ERVV-2: variants seen among roughly 807,000 people sequenced by gnomAD.
ERVV-2 encodes endogenous retrovirus group V member 2, envelope.
For missense variants in ERVV-2, 291 were observed against 495.1 expected (o/e 0.59, Z 3.91); for synonymous variants, 105 against 184.6 (o/e 0.57, Z 3.49).
rs1254643938 is a variant in ERVV-2 at position 53,051,338 on chromosome 19, G to A, written c.*479G>A. On this transcript the variant is annotated 3_prime_UTR_variant, in exon 2 of 2. Coordinates refer to ENST00000601417, the MANE Select transcript of ERVV-2 (RefSeq NM_001191055.2). ...ATTTTGTATTTTTAGTAGAGATGGG[G>A]TTTCACCATGTTGGTCAGGCTAGTC... Among the ~76,000 whole-genome samples the A allele has an allele frequency of 6.6e-6, 1 of 151,772 alleles. No homozygotes were observed. The highest frequency in any genetic ancestry group is 1.5e-5 in the Non-Finnish European group (1 of 67,978).
rs982963698 is a variant in ERVV-2, at chr19:53,051,093, C to G, written c.*234C>G. 4.7e-6 allele frequency: 2 copies of G among 428,782 alleles called. No individual in the cohort carries two copies. The highest frequency in any genetic ancestry group is 4.1e-6 in the Non-Finnish European group (1 of 242,272). 26.6% of individuals were successfully genotyped at this position (428,782 alleles called of 1,614,324 possible). A position where few individuals can be genotyped will look rare whatever the true frequency, so the allele number is the denominator to read the frequency against. On this transcript the variant is annotated 3_prime_UTR_variant, in exon 2 of 2. Transcript: ENST00000601417. ...CTTCCTTGGTGATGCTGCCCACAGA[C>G]AGTCAGCACTTCTCTAATAACCCAT...
At chr19:53,045,957 T>C (rs1048677041) in intron 1 of ERVV-2, among the ~76,000 whole-genome samples, 3 of 152,148 alleles carry the variant, frequency 2.0e-5, no homozygotes, top group African/African-American at 7.2e-5. Flanking sequence ...GGAGGATGCC[T>C]GCTTAAAGAA....
Position 53,051,525 on chromosome 19 carries a change from G to C in ERVV-2, c.*666G>C, listed in dbSNP as rs1422821431. On this transcript the variant is annotated 3_prime_UTR_variant, in exon 2 of 2. Coordinates refer to ENST00000601417, the MANE Select transcript of ERVV-2 (RefSeq NM_001191055.2). Reference sequence around the variant, plus strand: ...AAAACATCTGCCCAGCCATTAGTAGGAGTAGACACGTCCTTTTGATCAGCC... The same window carrying C: ...AAAACATCTGCCCAGCCATTAGTAGCAGTAGACACGTCCTTTTGATCAGCC... Among the ~76,000 whole-genome samples the C allele has an allele frequency of 6.6e-6, 1 of 152,118 alleles. No individual in the cohort carries two copies. Among genetic ancestry groups the C allele is most frequent in the Non-Finnish European group, 1.5e-5 (1 of 68,032 alleles).
At chr19:53,045,734 C>T (rs960283306) in intron 1 of ERVV-2, among the ~76,000 whole-genome samples, 1 of 152,196 alleles carries the variant, frequency 6.6e-6, no homozygotes. Flanking sequence ...TTACTCTTTG[C>T]TGTCCCTCTC....
rs967149872 is a variant in ERVV-2, at chr19:53,044,775, C to T, written c.-569C>T. 2.0e-5 allele frequency: 3 copies of T among 152,086 alleles called. No individual in the cohort carries two copies. The highest frequency in any genetic ancestry group is 7.2e-5 in the African/African-American group (3 of 41,394). The allele number at this position is 152,086 out of a possible 1,614,324, so 9.4% of individuals were successfully genotyped here. A position where few individuals can be genotyped will look rare whatever the true frequency, so the allele number is the denominator to read the frequency against. ...TTTTCAGGAGCCCACTCGGTTCTGT[C>T]GTTCAGGGTGTCGCTTCTTTCTGAG... is the stretch of plus-strand genomic sequence containing the variant. On this transcript the variant is annotated 5_prime_UTR_variant, in exon 1 of 2. Coordinates refer to ENST00000601417, the MANE Select transcript of ERVV-2 (RefSeq NM_001191055.2).
At chr19:53,046,329 A>C (rs940222342) in intron 1 of ERVV-2, among the ~76,000 whole-genome samples, 2 of 151,696 alleles carry the variant, frequency 1.3e-5, no homozygotes, top group African/African-American at 4.8e-5. Flanking sequence ...CCTACTCTTC[A>C]AGAATGCCTC....
Position 53,051,030 on chromosome 19 carries a change from T to C in ERVV-2, c.*171T>C. 1.6e-6 allele frequency: 1 copy of C among 612,948 alleles called. No individual in the cohort carries two copies. Among genetic ancestry groups the C allele is most frequent in the Non-Finnish European group, 2.7e-6 (1 of 367,378 alleles). The allele number at this position is 612,948 out of a possible 1,614,324, so 38.0% of individuals were successfully genotyped here. On this transcript the variant is annotated 3_prime_UTR_variant, in exon 2 of 2. Coordinates refer to ENST00000601417, the MANE Select transcript of ERVV-2 (RefSeq NM_001191055.2). ...CAGGCATGAGCAGGCAAGAGAGCCC[T>C]TGGGAAAGGAATCTTTAGAAACGCA...
At position 53,046,262 on chromosome 19, in the gene ERVV-2, GAAAA is replaced by G. The variant is rs1000139136; in HGVS notation, c.-386+1312_-386+1315del. On this transcript the variant is annotated intron_variant, in intron 1 of 1. Transcript: ENST00000601417. Reference sequence around the variant, plus strand: ...GGGCAACAAGAGCGAAACTCTGTCTGAAAAAAAAAAAGAAAGAAAGAAATCCCTC... The same window carrying G: ...GGGCAACAAGAGCGAAACTCTGTCTGAAAAAAAGAAAGAAAGAAATCCCTC... 2.1e-5 allele frequency among the ~76,000 whole-genome samples: 3 copies of G among 145,114 alleles called. No homozygotes were observed. In the East Asian group the frequency reaches 6.0e-4, roughly 29 times the overall value.
chr19:53,045,582 T>C (rs1355793909), intron 1 of ERVV-2, among the ~76,000 whole-genome samples: 2 of 152,240 alleles, frequency 1.3e-5, no homozygotes, highest in East Asian at 3.9e-4. Context: ...ATTACGGGCG[T>C]GAGCCACTGC....
intron 1 of ERVV-2, among the ~76,000 whole-genome samples, chr19:53,046,664 G>C (rs998597867): frequency 2.6e-5 from 4 of 152,148 alleles, no homozygotes; most frequent in Non-Finnish European, 4.4e-5. Context: ...ATTTTTTTCT[G>C]TATAAACCCC....
chr19:53,046,269 A>G (rs2083890810), intron 1 of ERVV-2, among the ~76,000 whole-genome samples: 1 of 151,992 alleles, frequency 6.6e-6, no homozygotes, highest in Non-Finnish European at 1.5e-5. Context: ...TCTGAAAAAA[A>G]AAAAGAAAGA....
rs894154048 is a variant in ERVV-2, at chr19:53,044,743, C to G, written c.-601C>G. 3 of 152,058 alleles carry G rather than the reference C, an allele frequency of 2.0e-5. No homozygotes were observed. The highest frequency in any genetic ancestry group is 4.4e-5 in the Non-Finnish European group (3 of 68,046). 9.4% of individuals were successfully genotyped at this position (152,058 alleles called of 1,614,324 possible). ...TCAGGCCAGCATAAGTAAGGACAGA[C>G]TCCTTCTTTTCAGGAGCCCACTCGG... On this transcript the variant is annotated 5_prime_UTR_variant, in exon 1 of 2. Transcript: ENST00000601417.
chr19:53,045,599 C>A (rs967539199), intron 1 of ERVV-2, among the ~76,000 whole-genome samples: 1 of 152,138 alleles, frequency 6.6e-6, no homozygotes, highest in Non-Finnish European at 1.5e-5. Context: ...CTGCGACCGG[C>A]GCATATCTTT....
At position 53,051,308 on chromosome 19, in the gene ERVV-2, G is replaced by A. The variant is rs569100611; in HGVS notation, c.*449G>A. 2.0e-5 allele frequency among the ~76,000 whole-genome samples: 3 copies of A among 151,756 alleles called. No individual in the cohort carries two copies. The highest frequency in any genetic ancestry group is 6.6e-5 in the Admixed American group (1 of 15,204). ...ACTACAGGCATGTGCCGCCATGCCC[G>A]GCTAATTTTGTATTTTTAGTAGAGA... On this transcript the variant is annotated 3_prime_UTR_variant, in exon 2 of 2. Transcript: ENST00000601417.
chr19:53,045,577 G>A (rs965010426), intron 1 of ERVV-2, among the ~76,000 whole-genome samples: 3 of 149,334 alleles, frequency 2.0e-5, no homozygotes, highest in East Asian at 3.9e-4. Flanking sequence ...CTGGGATTAC[G>A]GGCGTGAGCC....
chr19:53,050,314 C>A lies in ERVV-2; in HGVS notation c.1063C>A (p.Gln355Lys). 2 of 710,246 alleles carry A rather than the reference C, an allele frequency of 2.8e-6. No homozygotes were observed. The highest frequency in any genetic ancestry group is 1.5e-5 in the South Asian group (1 of 67,362). 44.0% of individuals were successfully genotyped at this position (710,246 alleles called of 1,614,324 possible). ...HDVTLRNLSR[Q>K]IDNIAKSTRD... ...TGTCACCCTCAGAAATCTCTCCAGA[C>A]AAATAGACAACATAGCTAAGAGTAC... The change falls in exon 2 of 2, where the codon CAA (glutamine) becomes AAA (lysine). Residue 355 changes from glutamine to lysine, a missense_variant. Physicochemically the swap from Gln to Lys is moderately conservative, Grantham distance 53. Transcript: ENST00000601417.
At position 53,050,838 on chromosome 19, in the gene ERVV-2, T is replaced by A; in HGVS notation, c.1587T>A (p.Thr529=). Reference sequence around the variant, plus strand: ...CCAGTGGGCAAAGATTCCGGGAAACTATGGAGGAATTTTCTCTCTGAGACA... The same window carrying A: ...CCAGTGGGCAAAGATTCCGGGAAACAATGGAGGAATTTTCTCTCTGAGACA... ...LDASGQRFRE[T]MEEFSL The change falls in exon 2 of 2, where the codon ACT becomes ACA. Residue 529 remains threonine (T), a synonymous_variant. Transcript: ENST00000601417. The A allele has an allele frequency of 6.5e-7, 1 of 1,532,520 alleles. No homozygotes were observed. Among genetic ancestry groups the A allele is most frequent in the Non-Finnish European group, 8.7e-7 (1 of 1,145,530 alleles). 94.9% of individuals were successfully genotyped at this position (1,532,520 alleles called of 1,614,324 possible).
chr19:53,047,731 C>T (rs1189802364), intron 1 of ERVV-2, among the ~76,000 whole-genome samples: 3 of 152,198 alleles, frequency 2.0e-5, no homozygotes, highest in Non-Finnish European at 4.4e-5. Flanking sequence ...GGGACACTTC[C>T]TCTATCCTGC....
At position 53,051,205 on chromosome 19, in the gene ERVV-2, G is replaced by A. The variant is rs561320922; in HGVS notation, c.*346G>A. On this transcript the variant is annotated 3_prime_UTR_variant, in exon 2 of 2. Coordinates refer to ENST00000601417, the MANE Select transcript of ERVV-2 (RefSeq NM_001191055.2). Reference sequence around the variant, plus strand: ...TCTGTCTCCCAGGCTGGAGTACAATGGTGCGATCTCGGCTCACTGCACCCT... The same window carrying A: ...TCTGTCTCCCAGGCTGGAGTACAATAGTGCGATCTCGGCTCACTGCACCCT... The A allele has an allele frequency of 1.4e-4, 24 of 172,858 alleles. No homozygotes were observed. In the East Asian group the frequency reaches 2.9e-3, roughly 21 times the overall value. The allele number at this position is 172,858 out of a possible 1,614,324, so 10.7% of individuals were successfully genotyped here.
Sources: allele counts gnomAD v4.1 joint callset (sites outside exome capture counted in the v4.1 genomes callset), GRCh38; gene constraint gnomAD v4.1.1; transcripts MANE v1.5; gene names NCBI Gene and HGNC (gene_info 2026-07-23, HGNC 2026-07-21).